Variants in CSNK1G1 observed in about 807,000 individuals in gnomAD.
CSNK1G1 encodes the protein casein kinase I isoform gamma-1.
Under a neutral mutation model 59.6 loss-of-function variants are expected in CSNK1G1, and 22 were observed. The observed-to-expected ratio is 0.37, with a 90% CI of 0.26 to 0.53. The LOEUF is 0.53. Ranked by LOEUF, CSNK1G1 falls within the 20% of genes least tolerant of loss-of-function variation. CSNK1G1 has a pLI of 0.89. For synonymous variants in CSNK1G1, 179 were observed against 177.1 expected (o/e 1.01, Z -0.08); for missense variants, 384 against 519.5 (o/e 0.74, Z 2.54).
At chr15:64,337,227 C>CAAACA (rs1897434306) in intron 1 of CSNK1G1, among the ~76,000 whole-genome samples, 3 of 151,996 alleles carry the variant, frequency 2.0e-5, no homozygotes, top group Admixed American at 6.6e-5. Flanking sequence ...GACTCCGTCT[C>CAAACA]AAACAAAACA....
chr15:64,189,814 ACT>A (rs1491116773), intron 10 of CSNK1G1, among the ~76,000 whole-genome samples: 3 of 136,244 alleles, frequency 2.2e-5, no homozygotes, highest in African/African-American at 8.7e-5. Flanking sequence ...GCTACAATTT[ACT>A]TTTTTTTTTT....
chr15:64,305,439 G>A (rs750806386), intron 1 of CSNK1G1, among the ~76,000 whole-genome samples: 30 of 151,966 alleles, frequency 2.0e-4, no homozygotes, highest in Non-Finnish European at 3.2e-4. Flanking sequence ...CAAAAGGCCA[G>A]GTGCAGTGAC....
intron 10 of CSNK1G1, among the ~76,000 whole-genome samples, chr15:64,201,271 C>CAAAAAA (rs545719275): frequency 7.7e-5 from 5 of 64,966 alleles, no homozygotes; most frequent in African/African-American, 2.5e-4. Flanking sequence ...GACACTGTCT[C>CAAAAAA]AAAAAAAAAA....
At chr15:64,301,836 G>A (rs909328684) in intron 1 of CSNK1G1, among the ~76,000 whole-genome samples, 3 of 151,900 alleles carry the variant, frequency 2.0e-5, no homozygotes, top group Non-Finnish European at 2.9e-5. Context: ...GCAGTGAGCC[G>A]AGCTCGTGCT....
At position 64,170,688 on chromosome 15, in the gene CSNK1G1, A is replaced by G. The variant is rs775312464; in HGVS notation, c.*1243T>C. 6.6e-6 allele frequency: 1 copy of G among 152,476 alleles called. No homozygotes were observed. Among genetic ancestry groups the G allele is most frequent in the Non-Finnish European group, 1.5e-5 (1 of 68,016 alleles). 9.4% of individuals were successfully genotyped at this position (152,476 alleles called of 1,614,324 possible). A position where few individuals can be genotyped will look rare whatever the true frequency, so the allele number is the denominator to read the frequency against. On this transcript the variant is annotated 3_prime_UTR_variant, in exon 12 of 12. Coordinates refer to ENST00000303052, the MANE Select transcript of CSNK1G1 (RefSeq NM_022048.5). The stretch of plus-strand genomic sequence containing the variant: ...ATGGCAATATGGTGGTGGCTGTTTC[A>G]TCACTAATTTTTCCCCCAAGTCACC...
Position 64,300,630 on chromosome 15 carries a change from T to A in CSNK1G1, c.-131A>T. On this transcript the variant is annotated 5_prime_UTR_variant, in exon 2 of 12. Transcript: ENST00000303052. Reference sequence around the variant, plus strand: ...AGGAGTTCTTTTAGCACCATATTTGTTTGTAATGTATCTCCGGGAGATGAA... The same window carrying A: ...AGGAGTTCTTTTAGCACCATATTTGATTGTAATGTATCTCCGGGAGATGAA... The A allele has an allele frequency of 7.3e-7, 1 of 1,374,416 alleles. No individual in the cohort carries two copies. Among genetic ancestry groups the A allele is most frequent in the African/African-American group, 1.5e-5 (1 of 68,884 alleles). The allele number at this position is 1,374,416 out of a possible 1,614,324, so 85.1% of individuals were successfully genotyped here.
intron 10 of CSNK1G1, among the ~76,000 whole-genome samples, chr15:64,184,967 C>A (rs936624821): frequency 4.6e-5 from 7 of 152,198 alleles, no homozygotes; most frequent in African/African-American, 1.7e-4. Flanking sequence ...ACTCATGTGT[C>A]ATTCTAAGTC....
chr15:64,351,848 G>T (rs1898307019), intron 1 of CSNK1G1, among the ~76,000 whole-genome samples: 1 of 152,086 alleles, frequency 6.6e-6, no homozygotes, highest in African/African-American at 2.4e-5. Context: ...ACTCCAGCCT[G>T]GGTAACAGAA....
chr15:64,191,922 G>A (rs1362776986), intron 10 of CSNK1G1, among the ~76,000 whole-genome samples: 4 of 152,128 alleles, frequency 2.6e-5, no homozygotes, highest in Admixed American at 2.6e-4. Flanking sequence ...AGCTTGGACC[G>A]GTATCTAGAG....
At chr15:64,352,444 C>CTTTTTTTTTTTTTTTTTTT (rs1566958692) in intron 1 of CSNK1G1, among the ~76,000 whole-genome samples, 1 of 79,922 alleles carries the variant, frequency 1.3e-5, no homozygotes, top group Non-Finnish European at 2.7e-5. Context: ...AATTTGAATT[C>CTTTTTTTTTTTTTTTTTTT]TTCTTTTTTT....
In CSNK1G1 at chr15:64,188,750, G is replaced by A. The variant is rs201114818; in HGVS notation, c.1108-8296C>T. On this transcript the variant is annotated intron_variant, in intron 10 of 11. Coordinates refer to ENST00000303052, the MANE Select transcript of CSNK1G1 (RefSeq NM_022048.5). This position sits in a 1 kb window ranked among gnomAD's most constrained non-coding sequence, Gnocchi z 4.2. ...TAACGACCAAAAGAGGAGGGAGGGG[G>A]AAAAAACACACAGTCAAAGCTGGGA... 2.0e-5 allele frequency among the ~76,000 whole-genome samples: 3 copies of A among 151,934 alleles called. No homozygotes were observed. The highest frequency in any genetic ancestry group is 2.1e-4 in the South Asian group (1 of 4,826).
At chr15:64,251,014 A>T (rs1442333991) in intron 4 of CSNK1G1, among the ~76,000 whole-genome samples, 3 of 152,204 alleles carry the variant, frequency 2.0e-5, no homozygotes, top group Non-Finnish European at 4.4e-5. Flanking sequence ...CTTAATTTTT[A>T]AAAATTGCCG....
intron 4 of CSNK1G1, among the ~76,000 whole-genome samples, chr15:64,235,851 C>T (rs906937748): frequency 6.6e-6 from 1 of 151,908 alleles, no homozygotes; most frequent in Admixed American, 6.6e-5. Flanking sequence ...TTACTATGTA[C>T]AAGATACTAC....
At chr15:64,313,763 A>C (rs1896118679) in intron 1 of CSNK1G1, among the ~76,000 whole-genome samples, 1 of 151,712 alleles carries the variant, frequency 6.6e-6, no homozygotes, top group Admixed American at 6.6e-5. Context: ...AATTTTTTAA[A>C]AGTAAGAAAA....
intron 2 of CSNK1G1, among the ~76,000 whole-genome samples, chr15:64,278,250 T>C (rs1007551318): frequency 2.0e-5 from 3 of 151,306 alleles, no homozygotes; most frequent in African/African-American, 4.8e-5. Flanking sequence ...TTTTGCCATG[T>C]TGGCCAGGCT....
intron 1 of CSNK1G1, among the ~76,000 whole-genome samples, chr15:64,336,253 C>T (rs1328863739): frequency 1.9e-5 from 1 of 53,238 alleles, no homozygotes; most frequent in South Asian, 3.1e-4. Flanking sequence ...TAACTAGATT[C>T]GATCTCTCTC....
intron 1 of CSNK1G1, among the ~76,000 whole-genome samples, chr15:64,353,697 G>A (rs967734904): frequency 1.7e-4 from 25 of 151,484 alleles, no homozygotes; most frequent in Non-Finnish European, 3.2e-4. Context: ...TGGGTGAGGT[G>A]GCTCACACCT....
intron 10 of CSNK1G1, among the ~76,000 whole-genome samples, chr15:64,202,312 C>G (rs988329988): frequency 6.6e-6 from 1 of 152,158 alleles, no homozygotes; most frequent in African/African-American, 2.4e-5. Flanking sequence ...AAAACCAGAA[C>G]TGGCAAGAGC....
chr15:64,347,405 C>T (rs1220548925), intron 1 of CSNK1G1, among the ~76,000 whole-genome samples: 1 of 151,992 alleles, frequency 6.6e-6, no homozygotes, highest in Non-Finnish European at 1.5e-5. Context: ...AGATGTCCTT[C>T]AAATGGTGAA....
Sources: allele counts gnomAD v4.1 joint callset (sites outside exome capture counted in the v4.1 genomes callset), GRCh38; gene constraint gnomAD v4.1.1; non-coding constraint Gnocchi (gnomAD v3.1); transcripts MANE v1.5; gene names NCBI Gene and HGNC (gene_info 2026-07-23, HGNC 2026-07-21).